TOP6BL: variants seen among roughly 807,000 people sequenced by gnomAD.
TOP6BL encodes the protein TOP6B like initiator of meiotic double strand breaks, also known as type 2 DNA topoisomerase 6 subunit B-like.
At chr11:66,777,101 C>A in the TOP6BL span, among the ~76,000 whole-genome samples, 1 of 149,710 alleles carries the variant, frequency 6.7e-6, no homozygotes, top group Non-Finnish European at 1.5e-5. Flanking sequence ...ATATCTATAT[C>A]TATATATCTA....
chr11:66,773,825 C>G, the TOP6BL span, among the ~76,000 whole-genome samples: 1 of 152,086 alleles, frequency 6.6e-6, no homozygotes, highest in African/African-American at 2.4e-5. Context: ...CAACCTCTGC[C>G]TCCCAGGTTC....
chr11:66,843,008 ACCGCGAGGCTCACGGCAGGGC>A, the TOP6BL span: 1 of 1,551,392 alleles, frequency 6.4e-7, no homozygotes, highest in South Asian at 1.2e-5. Context: ...GGAAGGGAGC[ACCGCGAGGCTCACGGCAGGGC>A]CCTGGCGCCG....
the TOP6BL span, among the ~76,000 whole-genome samples, chr11:66,756,067 C>A: frequency 6.6e-6 from 1 of 152,200 alleles, no homozygotes; most frequent in African/African-American, 2.4e-5. Flanking sequence ...GATGATTCAT[C>A]TATCAGAAGC....
At chr11:66,838,932 C>T in the TOP6BL span, among the ~76,000 whole-genome samples, 16 of 152,250 alleles carry the variant, frequency 1.1e-4, no homozygotes, top group Non-Finnish European at 2.2e-4. Flanking sequence ...GGGGTTTCAC[C>T]GTGTTAGCCA....
At chr11:66,754,402 GA>G in the TOP6BL span, among the ~76,000 whole-genome samples, 4 of 152,014 alleles carry the variant, frequency 2.6e-5, no homozygotes, top group Admixed American at 6.6e-5. Context: ...AGTATATAAA[GA>G]TTTTTTTAAA....
the TOP6BL span, among the ~76,000 whole-genome samples, chr11:66,775,421 G>A: frequency 6.6e-6 from 1 of 152,154 alleles, no homozygotes; most frequent in Non-Finnish European, 1.5e-5. Context: ...TCAAAATATT[G>A]CCTGCTCTTC....
the TOP6BL span, among the ~76,000 whole-genome samples, chr11:66,798,034 C>T: frequency 2.9e-4 from 44 of 152,226 alleles, no homozygotes; most frequent in African/African-American, 9.9e-4. Flanking sequence ...CATCATCATC[C>T]GCATTTTGTA....
the TOP6BL span, among the ~76,000 whole-genome samples, chr11:66,831,996 C>CA: frequency 0.28 from 12,839 of 46,436 alleles, 2,465 homozygotes; most frequent in Non-Finnish European, 0.32. Context: ...GACTCTGTCT[C>CA]AAAAAAAAAA....
At chr11:66,801,187 A>C in the TOP6BL span, 1 of 1,426,224 alleles carries the variant, frequency 7.0e-7, no homozygotes, top group East Asian at 2.3e-5. Context: ...AAATTGTCTC[A>C]CTTGTCATTT....
the TOP6BL span, among the ~76,000 whole-genome samples, chr11:66,802,229 T>C: frequency 6.6e-6 from 1 of 151,912 alleles, no homozygotes; most frequent in African/African-American, 2.4e-5. Flanking sequence ...CTCACCTCAC[T>C]GCAACCTCCA....
At chr11:66,805,916 T>C in the TOP6BL span, among the ~76,000 whole-genome samples, 1 of 152,190 alleles carries the variant, frequency 6.6e-6, no homozygotes, top group East Asian at 1.9e-4. Context: ...TAAAAATATT[T>C]CCATGAATAA....
the TOP6BL span, among the ~76,000 whole-genome samples, chr11:66,826,079 G>A: frequency 1.3e-5 from 2 of 151,940 alleles, no homozygotes; most frequent in Non-Finnish European, 2.9e-5. Context: ...TCCTGACCTC[G>A]GGATCCGCCC....
the TOP6BL span, among the ~76,000 whole-genome samples, chr11:66,774,614 T>C: frequency 6.6e-6 from 1 of 151,848 alleles, no homozygotes; most frequent in East Asian, 2.0e-4. Flanking sequence ...CCACCACGCC[T>C]GGCTAATTTT....
the TOP6BL span, among the ~76,000 whole-genome samples, chr11:66,779,139 C>T: frequency 6.6e-5 from 10 of 152,216 alleles, no homozygotes; most frequent in Non-Finnish European, 1.2e-4. Context: ...AAAGCAATGG[C>T]GACAAAAGCC....
chr11:66,789,374 A>G, the TOP6BL span, among the ~76,000 whole-genome samples: 4 of 152,054 alleles, frequency 2.6e-5, no homozygotes, highest in Admixed American at 6.6e-5. Flanking sequence ...CCTTCCTTAG[A>G]GTTGGTGGAG....
chr11:66,792,173 A>G, the TOP6BL span, among the ~76,000 whole-genome samples: 333 of 152,200 alleles, frequency 2.2e-3, no homozygotes, highest in African/African-American at 7.4e-3. Context: ...TTAAGGGGTT[A>G]GTTGTGTTGT....
chr11:66,816,273 A>G, the TOP6BL span: 1 of 1,435,760 alleles, frequency 7.0e-7, no homozygotes, highest in Non-Finnish European at 9.4e-7. Flanking sequence ...TGTGTAATGC[A>G]CACATCTAAA....
chr11:66,834,895 G>A, the TOP6BL span, among the ~76,000 whole-genome samples: 17 of 152,252 alleles, frequency 1.1e-4, no homozygotes, highest in South Asian at 3.5e-3. Flanking sequence ...CAGTGGGCCA[G>A]GAAGGAGTGA....
the TOP6BL span, among the ~76,000 whole-genome samples, chr11:66,768,920 A>G: frequency 6.6e-6 from 1 of 152,192 alleles, no homozygotes; most frequent in Non-Finnish European, 1.5e-5. Flanking sequence ...TGAGTGGTAC[A>G]TAACTGCTTT....
Sources: gnomAD v4.1 joint callset for allele counts (sites outside exome capture counted in the v4.1 genomes callset) on GRCh38, gnomAD v4.1.1 for gene constraint, MANE v1.5 for transcripts, NCBI Gene and HGNC (gene_info 2026-07-23, HGNC 2026-07-21) for gene names.